Variants in PDSS1 observed in about 807,000 individuals in gnomAD.
PDSS1 encodes the protein all trans-polyprenyl-diphosphate synthase PDSS1.
A neutral mutation model predicts 57.5 loss-of-function variants in PDSS1; 43 were observed. The observed-to-expected ratio is 0.75, with a 90% confidence interval of 0.59 to 0.96. The LOEUF (loss-of-function observed/expected upper bound fraction) is 0.96, where lower values mean the gene tolerates loss of function less well. Among genes scored for constraint, PDSS1 ranks in the 50% least tolerant of loss-of-function variants. PDSS1 has a pLI of 0.00. For synonymous variants in PDSS1, 175 were observed against 191.3 expected (o/e 0.91, Z 0.70); for missense variants, 438 against 527.8 (o/e 0.83, Z 1.67).
chr10:26,744,547 C>T (rs949707269), intron 11 of PDSS1, among the ~76,000 whole-genome samples: 198 of 152,144 alleles, frequency 1.3e-3, no homozygotes, highest in African/African-American at 4.2e-3. Flanking sequence ...CCCGCCACCA[C>T]GCCCGGCTGA....
chr10:26,728,363 G>A (rs185560626), intron 8 of PDSS1, among the ~76,000 whole-genome samples: 10 of 152,034 alleles, frequency 6.6e-5, no homozygotes, highest in African/African-American at 2.4e-4. Context: ...AGTGGCAGGC[G>A]CCTATAATCC....
intron 4 of PDSS1, among the ~76,000 whole-genome samples, chr10:26,707,426 T>C (rs1835269831): frequency 6.6e-6 from 1 of 152,104 alleles, no homozygotes; most frequent in Non-Finnish European, 1.5e-5. Flanking sequence ...CATCACGTGA[T>C]GGTCGCCTTC....
intron 4 of PDSS1, among the ~76,000 whole-genome samples, chr10:26,706,242 C>T (rs1431650882): frequency 6.6e-6 from 1 of 152,196 alleles, no homozygotes; most frequent in Non-Finnish European, 1.5e-5. Context: ...GCACTCCAGC[C>T]TGAGTGAGAG....
At chr10:26,718,257 G>A (rs1835664638) in intron 5 of PDSS1, among the ~76,000 whole-genome samples, 1 of 151,892 alleles carries the variant, frequency 6.6e-6, no homozygotes, top group Non-Finnish European at 1.5e-5. Flanking sequence ...TGTCCAGGCT[G>A]GTCTCGAACT....
At chr10:26,703,925 C>G (rs563195668) in intron 2 of PDSS1, among the ~76,000 whole-genome samples, 26 of 151,618 alleles carry the variant, frequency 1.7e-4, no homozygotes, top group African/African-American at 5.8e-4. Flanking sequence ...ACTAAAAATA[C>G]AAAAAATTAG....
At chr10:26,718,650 A>C (rs1411467906) in intron 5 of PDSS1, 1 of 151,564 alleles carries the variant, frequency 6.6e-6, no homozygotes, top group Non-Finnish European at 1.5e-5. Flanking sequence ...AATCCAAGCT[A>C]CTTGGGAGGC....
At chr10:26,721,420 G>GTATA (rs200135051) in intron 6 of PDSS1, among the ~76,000 whole-genome samples, 88 of 34,414 alleles carry the variant, frequency 2.6e-3, no homozygotes, top group East Asian at 9.0e-3. Context: ...AGAGATATAT[G>GTATA]TATACACACA....
intron 10 of PDSS1, among the ~76,000 whole-genome samples, chr10:26,741,892 T>C (rs1836625279): frequency 6.6e-6 from 1 of 152,194 alleles, no homozygotes. Context: ...TATTTTTTAT[T>C]TGAGACGGAG....
At chr10:26,727,766 C>T (rs1215693680) in intron 8 of PDSS1, among the ~76,000 whole-genome samples, 2 of 152,008 alleles carry the variant, frequency 1.3e-5, no homozygotes, top group African/African-American at 4.8e-5. Flanking sequence ...TTTTTCTGTT[C>T]CAGCATCCAG....
In PDSS1 at chr10:26,742,555, G is replaced by C; in HGVS notation, c.1085G>C (p.Arg362Thr). ...RRFSLPGDVD[R>T]ARQYVLQSDG... is the part of the protein sequence containing the mutation. The stretch of plus-strand genomic sequence containing the variant: ...TTCAGTTTGCCTGGAGATGTAGACA[G>C]AGCTCGACAGTATGTACTACAGGTA... Residue 362 changes from arginine (R) to threonine (T), a missense_variant, in exon 11 of 12, where the codon AGA becomes ACA. Around this residue, in one of 2 missense-constraint regions of PDSS1, gnomAD observed 284 missense variants for 390.7 expected, o/e 0.73. Transcript: ENST00000376215. The C allele has an allele frequency of 1.2e-6, 2 of 1,610,564 alleles. No individual in the cohort carries two copies. Among genetic ancestry groups the C allele is most frequent in the Non-Finnish European group, 1.7e-6 (2 of 1,177,182 alleles).
At chr10:26,711,765 A>G (rs1401761640) in intron 5 of PDSS1, among the ~76,000 whole-genome samples, 1 of 94,782 alleles carries the variant, frequency 1.1e-5, no homozygotes, top group African/African-American at 3.4e-5. Flanking sequence ...CGAGTTGGTA[A>G]CAATCAAAAA....
At chr10:26,715,923 T>C (rs1287925123) in intron 5 of PDSS1, 1 of 152,244 alleles carries the variant, frequency 6.6e-6, no homozygotes, top group African/African-American at 2.4e-5. Context: ...CTGCATCATT[T>C]ATGATGCAAC....
At chr10:26,732,368 C>G (rs972298603) in intron 8 of PDSS1, among the ~76,000 whole-genome samples, 2 of 152,198 alleles carry the variant, frequency 1.3e-5, no homozygotes, top group African/African-American at 2.4e-5. Context: ...CGCCATGTGT[C>G]AGGCAGAAGC....
intron 11 of PDSS1, among the ~76,000 whole-genome samples, chr10:26,745,267 C>T (rs919397203): frequency 6.6e-6 from 1 of 152,168 alleles, no homozygotes; most frequent in African/African-American, 2.4e-5. Context: ...AATATTTTTA[C>T]ATCATAGAAA....
intron 4 of PDSS1, 91 bp downstream of exon 4, chr10:26,705,485 A>T (rs1835182738): frequency 2.0e-6 from 1 of 501,882 alleles, no homozygotes; most frequent in Admixed American, 3.5e-5. Context: ...AATTATTATT[A>T]TTTTTTGAGC....
chr10:26,736,550 G>A (rs746191503), intron 10 of PDSS1, among the ~76,000 whole-genome samples: 5 of 152,116 alleles, frequency 3.3e-5, no homozygotes, highest in Non-Finnish European at 7.4e-5. Flanking sequence ...CACGGCCCTT[G>A]CTTTTGGTGG....
rs1031142374 is a variant in PDSS1, at chr10:26,701,070, A to G, written c.130-1092A>G. ...GATGGAGATGAGGAGCTTCCTGGGAACTGGGCAAAGGTCACTCTTGCTATG... is the reference window on the plus strand; with the variant it reads ...GATGGAGATGAGGAGCTTCCTGGGAGCTGGGCAAAGGTCACTCTTGCTATG... On this transcript the variant is annotated intron_variant, in intron 1 of 11. Coordinates refer to ENST00000376215, the MANE Select transcript of PDSS1 (RefSeq NM_014317.5). 2.0e-5 allele frequency among the ~76,000 whole-genome samples: 3 copies of G among 152,178 alleles called. No individual in the cohort carries two copies. The East Asian group carries it at 5.8e-4, about 29-fold the overall frequency.
Position 26,699,030 on chromosome 10 carries a change from G to C in PDSS1, c.129+1190G>C, listed in dbSNP as rs142570239. On this transcript the variant is annotated intron_variant, in intron 1 of 11. Transcript: ENST00000376215. ...GTTCTACCTACTCAGGAGCCTGAGG[G>C]AGGAGGATTGTTCGATCCCAGGAGT... Among the ~76,000 whole-genome samples, 369 of 152,306 alleles carry C rather than the reference G, an allele frequency of 2.4e-3. 1 individual carries two copies. Among genetic ancestry groups the C allele is most frequent in the African/African-American group, 8.3e-3 (343 of 41,574 alleles).
rs1046672871 is a variant in PDSS1, at chr10:26,711,149, A to G, written c.467+1381A>G. ...TGTTGCATGGACTCAGTCTCAAAAA[A>G]AAAAAGTTTTTAAAATAAATTAATG... On this transcript the variant is annotated intron_variant, in intron 5 of 11. Transcript: ENST00000376215. Among the ~76,000 whole-genome samples the G allele has an allele frequency of 4.0e-5, 4 of 99,498 alleles. 2 individuals carry two copies. Among genetic ancestry groups the G allele is most frequent in the Non-Finnish European group, 9.4e-5 (4 of 42,678 alleles). The allele number at this position is 99,498 out of a possible 152,430, so 65.3% of individuals were successfully genotyped here.
Sources: gnomAD v4.1 joint callset for allele counts (sites outside exome capture counted in the v4.1 genomes callset) on GRCh38, gnomAD v4.1.1 for gene constraint, gnomAD v4.1.1 regional missense constraint, MANE v1.5 for transcripts, NCBI Gene and HGNC (gene_info 2026-07-23, HGNC 2026-07-21) for gene names.